IFIH1: variants seen among roughly 807,000 people sequenced by gnomAD.
IFIH1 encodes interferon-induced helicase C domain-containing protein 1.
IFIH1 carries 125 observed loss-of-function variants against 107.4 expected under a neutral mutation model. That is an observed-to-expected ratio of 1.16 (90% CI 1.01 to 1.35). The LOEUF is 1.35. IFIH1 is among the 40% of genes most tolerant of loss of function. IFIH1 has a pLI of 0.00. For synonymous variants in IFIH1, 458 were observed against 413.2 expected, an observed-to-expected ratio of 1.11 and a Z score of -1.31; for missense variants, 1,333 against 1,213.7, an observed-to-expected ratio of 1.10 and a Z score of -1.46.
chr2:162,287,561 T>A (rs903104558), intron 5 of IFIH1, among the ~76,000 whole-genome samples: 8 of 151,192 alleles, frequency 5.3e-5, no homozygotes, highest in African/African-American at 1.5e-4. Context: ...TGTGTATATT[T>A]TATATATATA....
intron 10 of IFIH1, among the ~76,000 whole-genome samples, 190 bp from the exon 11 acceptor site, chr2:162,277,136 T>C (rs918785950): frequency 1.3e-5 from 2 of 152,198 alleles, no homozygotes; most frequent in Non-Finnish European, 2.9e-5. Flanking sequence ...GTTTCATGAA[T>C]TGTGGCTCAT....
chr2:162,300,055 T>C (rs1448536551), intron 3 of IFIH1, among the ~76,000 whole-genome samples: 2 of 152,236 alleles, frequency 1.3e-5, no homozygotes, highest in Non-Finnish European at 2.9e-5. Flanking sequence ...TCTCTCTTCA[T>C]CCTGTAATAT....
In IFIH1 at chr2:162,288,116, T is replaced by C; in HGVS notation, c.1095+19A>G. ...ATACAATGAAAATGATCAACTAGTG[T>C]TATGTGTTCTTTGAATACCTTATTG... is the stretch of plus-strand genomic sequence containing the variant. On this transcript the variant is annotated intron_variant, in intron 5 of 15. Coordinates refer to ENST00000649979, the MANE Select transcript of IFIH1 (RefSeq NM_022168.4). The C allele has an allele frequency of 6.8e-7, 1 of 1,477,516 alleles. No individual in the cohort carries two copies. The allele number at this position is 1,477,516 out of a possible 1,614,324, so 91.5% of individuals were successfully genotyped here.
intron 6 of IFIH1, 35 bp from the exon 7 acceptor site, chr2:162,281,580 A>T: frequency 6.9e-7 from 1 of 1,446,324 alleles, no homozygotes; most frequent in Non-Finnish European, 9.6e-7. Flanking sequence ...ATTTCTCCAT[A>T]TCAGCACACT....
At chr2:162,316,092 C>T (rs1683486133) in intron 1 of IFIH1, among the ~76,000 whole-genome samples, 1 of 152,212 alleles carries the variant, frequency 6.6e-6, no homozygotes, top group South Asian at 2.1e-4. Flanking sequence ...GAATCAAGAA[C>T]TTGGATAAAA....
intron 4 of IFIH1, 41 bp downstream of exon 4, chr2:162,293,523 A>G: frequency 7.6e-7 from 1 of 1,309,114 alleles, no homozygotes. Flanking sequence ...ATGGCGTCTT[A>G]TTTCACACTT....
intron 13 of IFIH1, among the ~76,000 whole-genome samples, chr2:162,269,025 T>G (rs142782067): frequency 6.6e-6 from 1 of 152,370 alleles, no homozygotes; most frequent in African/African-American, 2.4e-5. Flanking sequence ...TAATCTTTTT[T>G]CATGCTTTAT....
intron 1 of IFIH1, among the ~76,000 whole-genome samples, chr2:162,314,424 C>CTTTCT (rs1558877491): frequency 2.5e-4 from 15 of 61,002 alleles, no homozygotes; most frequent in African/African-American, 1.3e-3. Context: ...TCTTTTCTTT[C>CTTTCT]TTTCTTTCTT....
At chr2:162,289,654 G>T (rs1249909834) in intron 4 of IFIH1, among the ~76,000 whole-genome samples, 2 of 151,832 alleles carry the variant, frequency 1.3e-5, no homozygotes, top group East Asian at 3.9e-4. Context: ...TTAACTTGTT[G>T]TGATAGTACT....
intron 5 of IFIH1, among the ~76,000 whole-genome samples, chr2:162,283,771 C>T (rs1358310777): frequency 6.6e-6 from 1 of 151,778 alleles, no homozygotes; most frequent in East Asian, 1.9e-4. Flanking sequence ...CACTGGTTTA[C>T]TTTATTATTT....
chr2:162,283,617 C>G lies in IFIH1; in HGVS notation c.1096-1041G>C, dbSNP rs146382665. Among the ~76,000 whole-genome samples, 560 of 152,088 alleles carry G rather than the reference C, an allele frequency of 3.7e-3. 9 individuals are homozygous for G. Among genetic ancestry groups the G allele is most frequent in the African/African-American group, 0.013 (522 of 41,496 alleles). ...ATATTATTCACTCTCCATAATTCTACCAGAAATGCAATCAGTGGTTACCTT... is the reference window on the plus strand; with the variant it reads ...ATATTATTCACTCTCCATAATTCTAGCAGAAATGCAATCAGTGGTTACCTT... On this transcript the variant is annotated intron_variant, in intron 5 of 15. Coordinates refer to ENST00000649979, the MANE Select transcript of IFIH1 (RefSeq NM_022168.4).
intron 3 of IFIH1, among the ~76,000 whole-genome samples, chr2:162,299,212 A>G (rs1683149400): frequency 6.6e-6 from 1 of 152,218 alleles, no homozygotes; most frequent in African/African-American, 2.4e-5. Flanking sequence ...TCAGTAATGG[A>G]GGCAAAAAGT....
chr2:162,313,756 A>C (rs1170224390), intron 1 of IFIH1, among the ~76,000 whole-genome samples: 1 of 152,248 alleles, frequency 6.6e-6, no homozygotes, highest in East Asian at 1.9e-4. Flanking sequence ...TTCCCACAAA[A>C]AGTTAATGTC....
chr2:162,280,656 T>C lies in IFIH1; in HGVS notation c.1525-544A>G, dbSNP rs540353550. The stretch of plus-strand genomic sequence containing the variant: ...AGTCCTTAATCCCAGTAATAAATTA[T>C]ATTTTGGAGCCTATAATTGCATCTC... On this transcript the variant is annotated intron_variant, in intron 7 of 15. Transcript: ENST00000649979. Among the ~76,000 whole-genome samples the C allele has an allele frequency of 8.5e-5, 13 of 152,084 alleles. 1 individual carries two copies. The highest frequency in any genetic ancestry group is 1.3e-4 in the Non-Finnish European group (9 of 67,974).
chr2:162,311,094 G>C (rs1683378160), intron 1 of IFIH1, among the ~76,000 whole-genome samples, 161 bp from the exon 2 acceptor site: 1 of 151,538 alleles, frequency 6.6e-6, no homozygotes, highest in South Asian at 2.1e-4. Context: ...TAGCAATTCT[G>C]AAGTCGGCAG....
At chr2:162,307,346 G>T (rs1482898172) in intron 2 of IFIH1, among the ~76,000 whole-genome samples, 1 of 152,176 alleles carries the variant, frequency 6.6e-6, no homozygotes, top group Non-Finnish European at 1.5e-5. Context: ...TAATGAAAAT[G>T]CAAATTTGGT....
chr2:162,315,818 C>T (rs542444050), intron 1 of IFIH1, among the ~76,000 whole-genome samples: 2 of 152,308 alleles, frequency 1.3e-5, no homozygotes, highest in East Asian at 3.9e-4. Flanking sequence ...TCATTGTCCA[C>T]CATATCTTAG....
intron 1 of IFIH1, among the ~76,000 whole-genome samples, chr2:162,316,898 T>C (rs966588760): frequency 6.6e-6 from 1 of 152,152 alleles, no homozygotes; most frequent in Non-Finnish European, 1.5e-5. Context: ...AATGCTACCT[T>C]AAGAAAAATG....
chr2:162,270,005 T>G (rs1691004301), intron 13 of IFIH1, among the ~76,000 whole-genome samples: 1 of 152,048 alleles, frequency 6.6e-6, no homozygotes, highest in Admixed American at 6.6e-5. Flanking sequence ...ATCACATACA[T>G]GTGGGAATTA....
Sources: allele counts gnomAD v4.1 joint callset (sites outside exome capture counted in the v4.1 genomes callset), GRCh38; gene constraint gnomAD v4.1.1; transcripts MANE v1.5; gene names NCBI Gene and HGNC (gene_info 2026-07-23, HGNC 2026-07-21).